Variants in KCNJ12 observed in about 807,000 individuals in gnomAD.
KCNJ12 encodes ATP-sensitive inward rectifier potassium channel 12.
A neutral mutation model predicts 22.3 loss-of-function variants in KCNJ12; 2 were observed. That is an observed-to-expected ratio of 0.09 (90% CI 0.04 to 0.28). The LOEUF is 0.28. Among genes scored for constraint, KCNJ12 ranks in the 10% least tolerant of loss-of-function variants. The probability of loss-of-function intolerance (pLI) is 1.00; values close to 1 mark genes in which losing one functional copy is unlikely to be tolerated. For synonymous variants in KCNJ12, 117 were observed against 261.4 expected (o/e 0.45, Z 5.33); for missense variants, 155 against 633.3 (o/e 0.24, Z 8.11).
At chr17:21,399,184 G>A (rs567993252) in intron 1 of KCNJ12, among the ~76,000 whole-genome samples, 2 of 152,308 alleles carry the variant, frequency 1.3e-5, no homozygotes, top group South Asian at 4.1e-4. Context: ...TTCTGGCCTT[G>A]CACCCCAGCG....
At chr17:21,377,989 C>T (rs66835956) in intron 1 of KCNJ12, among the ~76,000 whole-genome samples, 1,620 of 152,372 alleles carry the variant, frequency 0.011, 10 homozygotes, top group Middle Eastern at 0.02. Context: ...CTGGGGACCT[C>T]CTGGCTCCCA....
chr17:21,418,980 G>A lies in KCNJ12; in HGVS notation c.*2336G>A, dbSNP rs1203329995. On this transcript the variant is annotated 3_prime_UTR_variant, in exon 3 of 3. Coordinates refer to ENST00000583088, the MANE Select transcript of KCNJ12 (RefSeq NM_021012.5). ...TCTTACCTCCCAGCCCCCACCCTGC[G>A]GGAGAGCAGCCCCAGCGCCTCATCT... The A allele has an allele frequency of 3.0e-5, 5 of 166,914 alleles. No individual in the cohort carries two copies. Among genetic ancestry groups the A allele is most frequent in the Admixed American group, 6.5e-5 (1 of 15,286 alleles). The allele number at this position is 166,914 out of a possible 1,614,324, so 10.3% of individuals were successfully genotyped here.
chr17:21,376,678 C>G lies in KCNJ12; in HGVS notation c.-414C>G, dbSNP rs1555557295. 1 of 151,680 alleles carries G rather than the reference C, an allele frequency of 6.6e-6. No individual in the cohort carries two copies. Among genetic ancestry groups the G allele is most frequent in the African/African-American group, 2.4e-5 (1 of 41,386 alleles). 9.4% of individuals were successfully genotyped at this position (151,680 alleles called of 1,614,324 possible). A position where few individuals can be genotyped will look rare whatever the true frequency, so the allele number is the denominator to read the frequency against. ...CCGACGCCAGCCGCCCCGGCCCAAG[C>G]GAGCGCCCAGCGGCCGGGGGCGCCG... On this transcript the variant is annotated 5_prime_UTR_variant, in exon 1 of 3. Coordinates refer to ENST00000583088, the MANE Select transcript of KCNJ12 (RefSeq NM_021012.5). This position sits in a 1 kb window ranked among gnomAD's most constrained non-coding sequence, Gnocchi z 5.3.
At chr17:21,409,555 C>T (rs1158380367) in intron 2 of KCNJ12, among the ~76,000 whole-genome samples, 1 of 152,312 alleles carries the variant, frequency 6.6e-6, no homozygotes, top group African/African-American at 2.4e-5. Flanking sequence ...CTGGGGAGGC[C>T]AGGGAAGCAG....
At chr17:21,382,359 C>T (rs1904897280) in intron 1 of KCNJ12, among the ~76,000 whole-genome samples, 1 of 152,114 alleles carries the variant, frequency 6.6e-6, no homozygotes, top group African/African-American at 2.4e-5. Flanking sequence ...CTTCAGCATA[C>T]ATGTTTGGAG....
At chr17:21,400,404 A>T (rs1321219222) in intron 1 of KCNJ12, among the ~76,000 whole-genome samples, 1 of 152,308 alleles carries the variant, frequency 6.6e-6, no homozygotes, top group Non-Finnish European at 1.5e-5. Flanking sequence ...GTGGTCACAC[A>T]GTCCCTCCTG....
intron 2 of KCNJ12, among the ~76,000 whole-genome samples, chr17:21,414,565 CT>C (rs1278864275): frequency 2.6e-5 from 4 of 152,280 alleles, no homozygotes; most frequent in South Asian, 2.1e-4. Flanking sequence ...TTGAGTGCCC[CT>C]GGCTACGTTA....
rs138165053 is a variant in KCNJ12, at chr17:21,415,637, G to A, written c.295G>A (p.Gly99Ser). The A allele has an allele frequency of 6.2e-7, 1 of 1,613,696 alleles. No individual in the cohort carries two copies. The highest frequency in any genetic ancestry group is 8.5e-7 in the Non-Finnish European group (1 of 1,179,960). The change falls in exon 3 of 3, where the codon GGC becomes AGC. Residue 99 changes from glycine (G) to serine (S), a missense_variant. Transcript: ENST00000583088. ...LAFLASWLLF[G>S]IIFWVIAVAH... ...CTTCCTTGCCTCCTGGCTGCTGTTC[G>A]GCATCATCTTCTGGGTCATCGCGGT...
chr17:21,388,301 C>G (rs868954133), intron 1 of KCNJ12, among the ~76,000 whole-genome samples: 1 of 152,108 alleles, frequency 6.6e-6, no homozygotes, highest in South Asian at 2.1e-4. Context: ...CTGAGCGGGG[C>G]GTTGGGAGGA....
In KCNJ12 at chr17:21,396,561, C is replaced by T. The variant is rs556395189; in HGVS notation, c.-178-11958C>T. Among the ~76,000 whole-genome samples, 35 of 152,148 alleles carry T rather than the reference C, an allele frequency of 2.3e-4. No homozygotes were observed. The East Asian group carries it at 4.3e-3, about 19-fold the overall frequency. Reference sequence around the variant, plus strand: ...GGCCGGGGTTCTAGCCAGCTTGGTTCGCACCGGTCTCAGGAGCCAGTGGTT... The same window carrying T: ...GGCCGGGGTTCTAGCCAGCTTGGTTTGCACCGGTCTCAGGAGCCAGTGGTT... On this transcript the variant is annotated intron_variant, in intron 1 of 2. Transcript: ENST00000583088.
At chr17:21,410,338 C>T (rs1232411442) in intron 2 of KCNJ12, among the ~76,000 whole-genome samples, 1 of 152,246 alleles carries the variant, frequency 6.6e-6, no homozygotes, top group Admixed American at 6.5e-5. Context: ...CTTTCCAGGC[C>T]CCAGTGCTGC....
Position 21,416,082 on chromosome 17 carries a change from AC to A in KCNJ12, c.742del (p.Gln248ArgfsTer61), listed in dbSNP as rs1410744718. 6.2e-7 allele frequency: 1 copy of A among 1,610,630 alleles called. No homozygotes were observed. Among genetic ancestry groups the A allele is most frequent in the Non-Finnish European group, 8.5e-7 (1 of 1,178,566 alleles). ...GAGGAGGGCGAGTACATCCCGCTGG[AC>A]CAGATCGACATCGATGTGGGCTTCG... is the stretch of plus-strand genomic sequence containing the variant. ...VTEEGEYIPLDQIDIDVGFDK... is the reference protein window; with the variant it reads ...VTEEGEYIPLXQIDIDVGFDK... On this transcript the variant is annotated frameshift_variant, in exon 3 of 3. Coordinates refer to ENST00000583088, the MANE Select transcript of KCNJ12 (RefSeq NM_021012.5). LOFTEE classifies it high-confidence loss of function.
At chr17:21,409,631 T>G (rs1288707726) in intron 2 of KCNJ12, among the ~76,000 whole-genome samples, 1 of 152,306 alleles carries the variant, frequency 6.6e-6, no homozygotes, top group Non-Finnish European at 1.5e-5. Context: ...GACTGAAAGC[T>G]GTCCTGGCAG....
At chr17:21,411,869 GT>G (rs1906369567) in intron 2 of KCNJ12, among the ~76,000 whole-genome samples, 2 of 152,308 alleles carry the variant, frequency 1.3e-5, no homozygotes, top group Non-Finnish European at 2.9e-5. Flanking sequence ...CCACACCTGT[GT>G]TTACGCAGGA....
intron 1 of KCNJ12, among the ~76,000 whole-genome samples, chr17:21,396,889 G>A (rs1905385008): frequency 6.6e-6 from 1 of 152,134 alleles, no homozygotes; most frequent in South Asian, 2.1e-4. Context: ...ATGCACGCAG[G>A]TGTTTGGGAG....
intron 1 of KCNJ12, among the ~76,000 whole-genome samples, chr17:21,381,999 C>T (rs561187299): frequency 4.1e-4 from 62 of 152,346 alleles, no homozygotes; most frequent in African/African-American, 1.4e-3. Flanking sequence ...GAAAACTGAG[C>T]CTCAGAGAGG....
intron 1 of KCNJ12, among the ~76,000 whole-genome samples, chr17:21,390,876 C>T (rs1555559237): frequency 6.6e-6 from 1 of 152,200 alleles, no homozygotes; most frequent in Non-Finnish European, 1.5e-5. Context: ...GTATTTAGTG[C>T]ATTCACACTG....
chr17:21,416,706 G>A lies in KCNJ12; in HGVS notation c.*62G>A. The A allele has an allele frequency of 6.7e-7, 1 of 1,496,218 alleles. No homozygotes were observed. The highest frequency in any genetic ancestry group is 8.9e-7 in the Non-Finnish European group (1 of 1,125,108). 92.7% of individuals were successfully genotyped at this position (1,496,218 alleles called of 1,614,324 possible). A position where few individuals can be genotyped will look rare whatever the true frequency, so the allele number is the denominator to read the frequency against. On this transcript the variant is annotated 3_prime_UTR_variant, in exon 3 of 3. Transcript: ENST00000583088. ...TGGGGAGAGGCCCCGCGGTCGCTCA[G>A]GGGCCCCGGGTTTGAGCAGAACGGG...
chr17:21,378,669 G>A (rs1442835285), intron 1 of KCNJ12, among the ~76,000 whole-genome samples: 1 of 152,154 alleles, frequency 6.6e-6, no homozygotes, highest in South Asian at 2.1e-4. Flanking sequence ...AATGCTGGCT[G>A]TTGACCCAGA....
Sources: allele counts gnomAD v4.1 joint callset (sites outside exome capture counted in the v4.1 genomes callset), GRCh38; gene constraint gnomAD v4.1.1; non-coding constraint Gnocchi (gnomAD v3.1); transcripts MANE v1.5; gene names NCBI Gene and HGNC (gene_info 2026-07-23, HGNC 2026-07-21).